The following MTARC2 variants were observed in gnomAD, a reference collection of about 807,000 sequenced individuals.
MTARC2 encodes the protein mitochondrial amidoxime reducing component 2, also known as MOCO sulphurase C-terminal domain containing 2.
In MTARC2, 27 loss-of-function variants were observed where a neutral mutation model predicts 35.6. The observed-to-expected ratio is 0.76, with a 90% confidence interval of 0.56 to 1.04. MTARC2 has a LOEUF of 1.04. Ranked by LOEUF, MTARC2 falls within the 50% of genes least tolerant of loss-of-function variation. MTARC2 has a pLI of 0.00. For missense variants in MTARC2, 412 were observed against 432.5 expected (o/e 0.95, Z 0.42); for synonymous variants, 158 against 167.1 (o/e 0.95, Z 0.42).
chr1:220,771,922 A>T (rs537048312), intron 4 of MTARC2, among the ~76,000 whole-genome samples: 33 of 152,244 alleles, frequency 2.2e-4, no homozygotes, highest in Non-Finnish European at 2.9e-4. Context: ...AAGTAAAATT[A>T]AAAAAAATTC....
intron 1 of MTARC2, 59 bp downstream of exon 1, chr1:220,748,862 G>C (rs972552692): frequency 1.0e-4 from 154 of 1,484,802 alleles, no homozygotes; most frequent in Non-Finnish European, 1.3e-4. Context: ...GGAGCGGGGG[G>C]GCAGGTGGGG....
At chr1:220,772,798 T>C (rs1671781089) in intron 4 of MTARC2, among the ~76,000 whole-genome samples, 1 of 152,180 alleles carries the variant, frequency 6.6e-6, no homozygotes, top group African/African-American at 2.4e-5. Flanking sequence ...TCTTTCTTTA[T>C]AAGAAGAGTG....
At chr1:220,761,874 G>T in intron 3 of MTARC2, 54 bp downstream of exon 3, 2 of 1,518,122 alleles carry the variant, frequency 1.3e-6, no homozygotes, top group South Asian at 1.3e-5. Flanking sequence ...TCTCTTTCTG[G>T]CTTCCTTCCC....
At chr1:220,762,816 A>G (rs1178306833) in intron 3 of MTARC2, 94 bp from the exon 4 acceptor site, 1 of 1,355,684 alleles carries the variant, frequency 7.4e-7, no homozygotes, top group African/African-American at 1.4e-5. Context: ...TTCTGCACTG[A>G]AGAGGTTTTG....
chr1:220,764,631 A>G (rs529576960), intron 4 of MTARC2, among the ~76,000 whole-genome samples: 6 of 152,246 alleles, frequency 3.9e-5, no homozygotes, highest in Admixed American at 2.6e-4. Flanking sequence ...TACTAAAAGA[A>G]TATAATAATT....
chr1:220,760,930 GC>G (rs761646295), intron 2 of MTARC2, among the ~76,000 whole-genome samples: 30 of 152,296 alleles, frequency 2.0e-4, no homozygotes, highest in Admixed American at 3.9e-4. Context: ...ACTTTTAAAA[GC>G]ATAATGTAAT....
At chr1:220,757,664 A>G (rs1189754062) in intron 2 of MTARC2, among the ~76,000 whole-genome samples, 2 of 152,124 alleles carry the variant, frequency 1.3e-5, no homozygotes, top group South Asian at 2.1e-4. Context: ...GCATGAAGAG[A>G]GAAAGCAATC....
intron 4 of MTARC2, among the ~76,000 whole-genome samples, chr1:220,767,461 C>T (rs924001315): frequency 2.6e-5 from 4 of 152,070 alleles, no homozygotes; most frequent in Non-Finnish European, 4.4e-5. Context: ...GTACTTTGTC[C>T]GTGTAGCTCA....
At chr1:220,774,597 G>A (rs1671840124) in intron 4 of MTARC2, among the ~76,000 whole-genome samples, 1 of 152,200 alleles carries the variant, frequency 6.6e-6, no homozygotes, top group Admixed American at 6.5e-5. Context: ...AAGGGGCTGG[G>A]ATGGTGGTGG....
At chr1:220,760,264 A>G (rs1338438050) in intron 2 of MTARC2, among the ~76,000 whole-genome samples, 3 of 152,244 alleles carry the variant, frequency 2.0e-5, no homozygotes, top group African/African-American at 7.2e-5. Flanking sequence ...GATGTTAATG[A>G]CAGGGTAAAA....
intron 1 of MTARC2, among the ~76,000 whole-genome samples, chr1:220,753,153 A>G (rs1671173711): frequency 6.6e-6 from 1 of 151,802 alleles, no homozygotes; most frequent in Admixed American, 6.6e-5. Flanking sequence ...GTGTGAACCC[A>G]GGAGGTGGAG....
chr1:220,765,072 G>A (rs1472308246), intron 4 of MTARC2, among the ~76,000 whole-genome samples: 1 of 152,186 alleles, frequency 6.6e-6, no homozygotes, highest in Non-Finnish European at 1.5e-5. Context: ...ATGTGTAGAA[G>A]TAGAACTACC....
chr1:220,758,377 C>A (rs527961648), intron 2 of MTARC2, among the ~76,000 whole-genome samples: 18 of 151,642 alleles, frequency 1.2e-4, no homozygotes, highest in African/African-American at 4.1e-4. Context: ...AATTATAGAC[C>A]AGTATGGCTT....
chr1:220,775,975 C>T (rs1361916224), intron 4 of MTARC2, among the ~76,000 whole-genome samples: 2 of 152,142 alleles, frequency 1.3e-5, no homozygotes, highest in African/African-American at 2.4e-5. Context: ...GTGAACAGTG[C>T]TGTGATGAAT....
chr1:220,783,621 T>A lies in MTARC2; in HGVS notation c.*32-298T>A, dbSNP rs72473911. ...ATCTGTGGTTCACTCAGCCTCAATT[T>A]CCAATTGTCTCTGCTGCCCAGAAGG... On this transcript the variant is annotated intron_variant, in intron 7 of 7. Transcript: ENST00000366913. 8.4e-3 allele frequency among the ~76,000 whole-genome samples: 1,281 copies of A among 152,350 alleles called. 12 individuals carry two copies. The highest frequency in any genetic ancestry group is 0.031 in the Middle Eastern group (9 of 294).
intron 4 of MTARC2, among the ~76,000 whole-genome samples, chr1:220,774,500 G>C (rs146404726): frequency 6.6e-6 from 1 of 152,068 alleles, no homozygotes; most frequent in Non-Finnish European, 1.5e-5. Context: ...ACAATTGTGC[G>C]TACAACACAA....
chr1:220,757,917 C>T (rs1671326080), intron 2 of MTARC2, among the ~76,000 whole-genome samples: 2 of 152,038 alleles, frequency 1.3e-5, no homozygotes, highest in Admixed American at 1.3e-4. Context: ...AAGAAAAGTC[C>T]CTTCACAGAC....
intron 4 of MTARC2, among the ~76,000 whole-genome samples, chr1:220,766,032 A>C (rs1671567760): frequency 6.6e-6 from 1 of 152,168 alleles, no homozygotes. Flanking sequence ...AGGAGAGTGC[A>C]GGGACCACGG....
In MTARC2 at chr1:220,748,715, A is replaced by T. The variant is rs1671048807; in HGVS notation, c.184A>T (p.Ile62Phe). ...GGTGGGCACCGTGGCGAAGCTCTGG[A>T]TCTACCCGGTGAAATCCTGCAAAGG... ...QQVGTVAKLWIYPVKSCKGVP... is the reference protein window; with the variant it reads ...QQVGTVAKLWFYPVKSCKGVP... The change falls in exon 1 of 8, where the codon ATC becomes TTC. Residue 62 changes from isoleucine (I) to phenylalanine (F), a missense_variant. Ile to Phe is a conservative substitution (Grantham distance 21). Transcript: ENST00000366913. The T allele has an allele frequency of 1.3e-6, 2 of 1,598,504 alleles. No individual in the cohort carries two copies. The highest frequency in any genetic ancestry group is 1.7e-6 in the Non-Finnish European group (2 of 1,173,006).
Sources: allele counts gnomAD v4.1 joint callset (sites outside exome capture counted in the v4.1 genomes callset), GRCh38; gene constraint gnomAD v4.1.1; transcripts MANE v1.5; gene names NCBI Gene and HGNC (gene_info 2026-07-23, HGNC 2026-07-21).